The following FAM193A variants were observed in gnomAD, a reference collection of about 807,000 sequenced individuals.
FAM193A encodes protein FAM193A.
In FAM193A, 22 loss-of-function variants were observed where a neutral mutation model predicts 126.5. The ratio of observed to expected loss-of-function variants is 0.17; its 90% CI spans 0.12 to 0.25. The LOEUF is 0.25. Among genes scored for constraint, FAM193A ranks in the 10% least tolerant of loss-of-function variants. FAM193A has a pLI of 1.00. For missense variants in FAM193A, 1,675 were observed against 1,672.8 expected (o/e 1.00, Z -0.02); for synonymous variants, 761 against 646.8 (o/e 1.18, Z -2.68).
At chr4:2,711,001 A>C (rs34439064) in intron 19 of FAM193A, among the ~76,000 whole-genome samples, 1 of 151,076 alleles carries the variant, frequency 6.6e-6, no homozygotes, top group Non-Finnish European at 1.5e-5. Flanking sequence ...ACAGGCGCCC[A>C]CCACCTCGCC....
chr4:2,608,115 A>C (rs1028044748), intron 2 of FAM193A: 3 of 1,608,164 alleles, frequency 1.9e-6, no homozygotes, highest in African/African-American at 1.3e-5. Context: ...ACGATCTACT[A>C]TATCTCCTTG....
At chr4:2,664,518 C>T (rs971192645) in intron 12 of FAM193A, among the ~76,000 whole-genome samples, 2 of 150,728 alleles carry the variant, frequency 1.3e-5, no homozygotes, top group Admixed American at 6.6e-5. Flanking sequence ...TAGGGTCTTC[C>T]CTCCAGCTTG....
chr4:2,705,584 T>C (rs1046463421), intron 19 of FAM193A, among the ~76,000 whole-genome samples: 1 of 151,950 alleles, frequency 6.6e-6, no homozygotes. Flanking sequence ...ATTATTATTA[T>C]TTATTCTTTT....
At chr4:2,622,689 G>T (rs995202660) in intron 2 of FAM193A, among the ~76,000 whole-genome samples, 1 of 152,174 alleles carries the variant, frequency 6.6e-6, no homozygotes, top group Admixed American at 6.5e-5. Context: ...TGCCTGGGAA[G>T]GGCCAAGCTT....
chr4:2,713,924 G>C (rs1288354707), intron 19 of FAM193A, among the ~76,000 whole-genome samples: 4 of 152,134 alleles, frequency 2.6e-5, no homozygotes, highest in African/African-American at 7.2e-5. Context: ...TGTGGTTGTT[G>C]TAAAAAAATT....
At chr4:2,697,983 C>T (rs968020312) in intron 18 of FAM193A, among the ~76,000 whole-genome samples, 1 of 152,226 alleles carries the variant, frequency 6.6e-6, no homozygotes, top group Admixed American at 6.5e-5. Flanking sequence ...GGTCTGAATC[C>T]AGACTTGAGG....
intron 13 of FAM193A, among the ~76,000 whole-genome samples, chr4:2,682,217 C>T (rs1017883346): frequency 6.6e-6 from 1 of 152,230 alleles, no homozygotes; most frequent in Non-Finnish European, 1.5e-5. Context: ...ATCTCCTGAC[C>T]TTGTGATCCG....
At chr4:2,590,486 C>CA (rs746750683) in intron 1 of FAM193A, among the ~76,000 whole-genome samples, 744 of 38,002 alleles carry the variant, frequency 0.02, 101 homozygotes, top group Middle Eastern at 0.053. Context: ...CAAAAAAAAA[C>CA]AAAAAAAAAC....
At chr4:2,568,569 T>C (rs1240260643) in intron 1 of FAM193A, among the ~76,000 whole-genome samples, 1 of 152,198 alleles carries the variant, frequency 6.6e-6, no homozygotes, top group Non-Finnish European at 1.5e-5. Flanking sequence ...AGAAGTTTTC[T>C]GCCATGTGAA....
intron 7 of FAM193A, among the ~76,000 whole-genome samples, chr4:2,651,889 G>A (rs1745706051): frequency 6.6e-6 from 1 of 152,186 alleles, no homozygotes; most frequent in Non-Finnish European, 1.5e-5. Flanking sequence ...CCCAGGAGGA[G>A]AGTCCAGACC....
chr4:2,611,998 G>A (rs947277251), intron 2 of FAM193A, among the ~76,000 whole-genome samples: 10 of 151,512 alleles, frequency 6.6e-5, no homozygotes, highest in Non-Finnish European at 1.0e-4. Flanking sequence ...CACCATGCCC[G>A]GCTAATTTTT....
intron 20 of FAM193A, among the ~76,000 whole-genome samples, chr4:2,722,999 C>T (rs1158021011): frequency 1.3e-5 from 2 of 152,132 alleles, no homozygotes; most frequent in African/African-American, 2.4e-5. Context: ...TTAGGCCGGG[C>T]GCAGTGGCTC....
At chr4:2,617,041 G>A (rs1168602585) in intron 2 of FAM193A, among the ~76,000 whole-genome samples, 4 of 144,922 alleles carry the variant, frequency 2.8e-5, no homozygotes, top group African/African-American at 1.0e-4. Context: ...GGTGGCACAT[G>A]CCTGTCATCC....
intron 2 of FAM193A, among the ~76,000 whole-genome samples, chr4:2,623,360 CAG>C (rs1239365905): frequency 3.9e-5 from 6 of 152,170 alleles, no homozygotes; most frequent in Non-Finnish European, 8.8e-5. Flanking sequence ...TTAGTAGAGA[CAG>C]GGTTTCACCA....
intron 19 of FAM193A, among the ~76,000 whole-genome samples, chr4:2,712,999 G>A (rs1468267198): frequency 6.6e-6 from 1 of 151,894 alleles, no homozygotes; most frequent in Non-Finnish European, 1.5e-5. Context: ...TAGCTACTTG[G>A]GAGGCTGAGG....
chr4:2,696,848 A>ATG (rs1179940926), intron 18 of FAM193A, among the ~76,000 whole-genome samples: 3 of 152,176 alleles, frequency 2.0e-5, no homozygotes, highest in Admixed American at 1.3e-4. Flanking sequence ...GCTGGCCATC[A>ATG]TGAGGGCAGC....
At chr4:2,626,163 C>T (rs1230630687) in intron 3 of FAM193A, among the ~76,000 whole-genome samples, 1 of 152,126 alleles carries the variant, frequency 6.6e-6, no homozygotes, top group African/African-American at 2.4e-5. Context: ...GATGTGGGTA[C>T]CCTAATTGTG....
intron 15 of FAM193A, among the ~76,000 whole-genome samples, chr4:2,691,990 T>C (rs2109270604): frequency 6.6e-6 from 1 of 152,188 alleles, no homozygotes; most frequent in South Asian, 2.1e-4. Flanking sequence ...GCAGCATTCA[T>C]GGAGGTTAAC....
At chr4:2,612,115 C>T (rs1399678458) in intron 2 of FAM193A, among the ~76,000 whole-genome samples, 5 of 151,774 alleles carry the variant, frequency 3.3e-5, no homozygotes, top group African/African-American at 4.8e-5. Flanking sequence ...GGATTACAGG[C>T]GTGAGCCACC....
Sources: allele counts gnomAD v4.1 joint callset (sites outside exome capture counted in the v4.1 genomes callset), GRCh38; gene constraint gnomAD v4.1.1; transcripts MANE v1.5; gene names NCBI Gene and HGNC (gene_info 2026-07-23, HGNC 2026-07-21).